SGCZ: variants seen among roughly 807,000 people sequenced by gnomAD.
SGCZ encodes sarcoglycan zeta, also known as zeta-sarcoglycan.
A neutral mutation model predicts 41.3 loss-of-function variants in SGCZ; 40 were observed. The ratio of observed to expected loss-of-function variants is 0.97; its 90% CI spans 0.75 to 1.26. The LOEUF (loss-of-function observed/expected upper bound fraction) is 1.26. SGCZ is among the 50% of genes most tolerant of loss of function. The pLI, the probability that SGCZ is intolerant of heterozygous loss-of-function variation, is 0.00. For missense variants in SGCZ, 552 were observed against 369.8 expected (o/e 1.49, Z -4.04); for synonymous variants, 206 against 137.5 (o/e 1.50, Z -3.49).
chr8:15,102,322 T>C (rs1585564490), intron 1 of SGCZ, among the ~76,000 whole-genome samples: 1 of 152,164 alleles, frequency 6.6e-6, no homozygotes, highest in Admixed American at 6.5e-5. Flanking sequence ...AAGGTAAAAC[T>C]ATGTGGAGAA....
chr8:14,625,280 C>T (rs948779049), intron 1 of SGCZ, among the ~76,000 whole-genome samples: 1 of 152,126 alleles, frequency 6.6e-6, no homozygotes, highest in Non-Finnish European at 1.5e-5. Context: ...TAACTGATTA[C>T]TGTTTTCTTT....
At chr8:15,036,271 C>A (rs1803870567) in intron 1 of SGCZ, among the ~76,000 whole-genome samples, 1 of 151,892 alleles carries the variant, frequency 6.6e-6, no homozygotes, top group African/African-American at 2.4e-5. Context: ...CACATACAAC[C>A]TACCAAGAAT....
At chr8:14,450,334 A>G (rs1250449678) in intron 2 of SGCZ, among the ~76,000 whole-genome samples, 1 of 152,222 alleles carries the variant, frequency 6.6e-6, no homozygotes, top group Non-Finnish European at 1.5e-5. Context: ...GTATGCATAT[A>G]CGTGTTTCAT....
At chr8:14,952,726 G>A (rs951944213) in intron 1 of SGCZ, among the ~76,000 whole-genome samples, 10 of 152,072 alleles carry the variant, frequency 6.6e-5, no homozygotes, top group Admixed American at 3.3e-4. Context: ...GTGGGGCAGG[G>A]ACATTGATTT....
intron 1 of SGCZ, among the ~76,000 whole-genome samples, chr8:14,642,461 T>C (rs1014020790): frequency 6.6e-6 from 1 of 151,482 alleles, no homozygotes; most frequent in African/African-American, 2.4e-5. Flanking sequence ...AGAGAGTTAC[T>C]ATATGTAAGG....
At chr8:14,283,096 G>A (rs898248101) in intron 3 of SGCZ, among the ~76,000 whole-genome samples, 18 of 151,730 alleles carry the variant, frequency 1.2e-4, no homozygotes, top group South Asian at 2.1e-4. Context: ...TGATCCGCCC[G>A]CCTCGGCCTT....
At chr8:14,718,440 G>A (rs544383623) in intron 1 of SGCZ, among the ~76,000 whole-genome samples, 14 of 151,984 alleles carry the variant, frequency 9.2e-5, no homozygotes, top group Admixed American at 3.9e-4. Context: ...TCTTTTTAAA[G>A]GATCCCCACA....
chr8:14,325,888 G>A (rs369159052), intron 2 of SGCZ, among the ~76,000 whole-genome samples: 2 of 146,436 alleles, frequency 1.4e-5, no homozygotes, highest in African/African-American at 5.0e-5. Context: ...AGAGGCGGGC[G>A]GATCACGACG....
chr8:14,792,091 T>G (rs1022712943), intron 1 of SGCZ, among the ~76,000 whole-genome samples: 1 of 152,174 alleles, frequency 6.6e-6, no homozygotes, highest in African/African-American at 2.4e-5. Flanking sequence ...AGCCAAAATT[T>G]GACAGATTCT....
chr8:14,958,125 C>T (rs1012664593), intron 1 of SGCZ, among the ~76,000 whole-genome samples: 2 of 151,926 alleles, frequency 1.3e-5, no homozygotes, highest in Non-Finnish European at 2.9e-5. Context: ...AGTAGGGGTC[C>T]TCTGGACTTT....
intron 2 of SGCZ, among the ~76,000 whole-genome samples, chr8:14,444,299 T>A (rs1157719554): frequency 6.6e-6 from 1 of 152,120 alleles, no homozygotes; most frequent in Non-Finnish European, 1.5e-5. Flanking sequence ...TATCCCAGCC[T>A]TTCCATTACT....
At chr8:14,969,028 T>C (rs949287007) in intron 1 of SGCZ, among the ~76,000 whole-genome samples, 9 of 152,108 alleles carry the variant, frequency 5.9e-5, no homozygotes, top group African/African-American at 1.7e-4. Context: ...GTGCTACTAA[T>C]ACTAATCTAT....
At chr8:15,133,338 C>T (rs1807983676) in intron 1 of SGCZ, among the ~76,000 whole-genome samples, 1 of 152,090 alleles carries the variant, frequency 6.6e-6, no homozygotes, top group African/African-American at 2.4e-5. Context: ...TACTTGTTTT[C>T]ATAAGTCCAA....
chr8:15,053,603 A>G (rs1804598935), intron 1 of SGCZ, among the ~76,000 whole-genome samples: 1 of 152,046 alleles, frequency 6.6e-6, no homozygotes, highest in Admixed American at 6.6e-5. Context: ...GTTTCATGAG[A>G]TTTACTAATC....
intron 2 of SGCZ, among the ~76,000 whole-genome samples, chr8:14,529,678 A>G (rs1351452391): frequency 1.3e-5 from 2 of 152,118 alleles, no homozygotes; most frequent in Non-Finnish European, 2.9e-5. Flanking sequence ...TCAGTGTTTC[A>G]TGAGATCTGA....
rs535961933 is a variant in SGCZ, at chr8:14,085,351, C to G, written c.*5092G>C. Among the ~76,000 whole-genome samples, 1 of 151,532 alleles carries G rather than the reference C, an allele frequency of 6.6e-6. No homozygotes were observed. The highest frequency in any genetic ancestry group is 1.9e-4 in the East Asian group (1 of 5,132). The stretch of plus-strand genomic sequence containing the variant: ...CTGATTTAAAGAATTGTATAAATAA[C>G]GAGACACTCAAACTCCAGATTACAT... On this transcript the variant is annotated 3_prime_UTR_variant, in exon 8 of 8. Transcript: ENST00000382080.
intron 1 of SGCZ, among the ~76,000 whole-genome samples, chr8:15,055,231 C>A (rs1253370067): frequency 6.6e-6 from 1 of 152,080 alleles, no homozygotes; most frequent in Non-Finnish European, 1.5e-5. Flanking sequence ...TTTCCATATC[C>A]ATAAAACAGA....
chr8:15,020,746 A>G (rs1436034482), intron 1 of SGCZ, among the ~76,000 whole-genome samples: 1 of 152,184 alleles, frequency 6.6e-6, no homozygotes, highest in African/African-American at 2.4e-5. Context: ...CTTAGCGAAT[A>G]TGTCTTAATA....
intron 7 of SGCZ, among the ~76,000 whole-genome samples, chr8:14,099,421 C>G (rs1052441610): frequency 6.6e-6 from 1 of 152,134 alleles, no homozygotes; most frequent in Non-Finnish European, 1.5e-5. Context: ...CGGCCCGGGA[C>G]TCACAAAACA....
Sources: gnomAD v4.1 joint callset for allele counts (sites outside exome capture counted in the v4.1 genomes callset) on GRCh38, gnomAD v4.1.1 for gene constraint, MANE v1.5 for transcripts, NCBI Gene and HGNC (gene_info 2026-07-23, HGNC 2026-07-21) for gene names.